The following PPP4R3A variants were observed in gnomAD, a reference collection of about 807,000 sequenced individuals.
The protein encoded by PPP4R3A is serine/threonine-protein phosphatase 4 regulatory subunit 3A.
PPP4R3A carries 15 observed loss-of-function variants against 91.7 expected under a neutral mutation model. The ratio of observed to expected loss-of-function variants is 0.16; its 90% confidence interval spans 0.11 to 0.25. The LOEUF is 0.25. PPP4R3A is among the 10% of genes least tolerant of loss of function. The pLI, the probability that PPP4R3A is intolerant of heterozygous loss-of-function variation, is 1.00. For synonymous variants in PPP4R3A, 377 were observed against 348.7 expected, an observed-to-expected ratio of 1.08 and a Z score of -0.91; for missense variants, 623 against 998.4, an observed-to-expected ratio of 0.62 and a Z score of 5.07.
chr14:91,473,418 G>A (rs769636524), intron 7 of PPP4R3A, 48 bp from the exon 8 acceptor site: 27 of 1,564,234 alleles, frequency 1.7e-5, no homozygotes, highest in South Asian at 3.6e-5. Context: ...ATGAGAGAAC[G>A]GAAAAAGCAA....
At chr14:91,488,981 C>G (rs112244012) in intron 2 of PPP4R3A, among the ~76,000 whole-genome samples, 13 of 148,438 alleles carry the variant, frequency 8.8e-5, no homozygotes, top group Admixed American at 3.4e-4. Context: ...AATCTCGGCT[C>G]ACTGCAAGCT....
intron 4 of PPP4R3A, among the ~76,000 whole-genome samples, chr14:91,479,140 G>A (rs576886172): frequency 5.3e-5 from 8 of 151,828 alleles, no homozygotes; most frequent in African/African-American, 1.7e-4. Flanking sequence ...CCACCATCAC[G>A]CCTGGCTAAT....
chr14:91,482,173 G>A lies in PPP4R3A; in HGVS notation c.318C>T (p.Ser106=), dbSNP rs138032388. Residue 106 remains serine (S), a synonymous_variant, in exon 4 of 15, where the codon TCC becomes TCT. Transcript: ENST00000554943. ...KICQVQGKDP[S]VDITQDLVDE... ...CCACAAGGTCCTGAGTGATGTCCAC[G>A]GAAGGGTCCTTTCCTTGAACCTATG... is the stretch of plus-strand genomic sequence containing the variant. 12 of 1,605,154 alleles carry A rather than the reference G, an allele frequency of 7.5e-6. No individual in the cohort carries two copies. Among genetic ancestry groups the A allele is most frequent in the South Asian group, 2.2e-5 (2 of 89,370 alleles).
At chr14:91,466,027 G>A (rs1266248985) in intron 10 of PPP4R3A, among the ~76,000 whole-genome samples, 4 of 152,088 alleles carry the variant, frequency 2.6e-5, no homozygotes, top group African/African-American at 9.7e-5. Flanking sequence ...TTATTGTAGC[G>A]AGTATGCTTT....
At chr14:91,509,419 G>C in intron 1 of PPP4R3A, 87 bp downstream of exon 1, 1 of 1,516,582 alleles carries the variant, frequency 6.6e-7, no homozygotes, top group African/African-American at 1.4e-5. Context: ...TGTTCTCGTG[G>C]AGCGAGCGCC....
At position 91,509,774 on chromosome 14, in the gene PPP4R3A, TGGGCGCCGCG is replaced by T. The variant is rs1367664946; in HGVS notation, c.-137_-128del. 1 of 1,280,862 alleles carries T rather than the reference TGGGCGCCGCG, an allele frequency of 7.8e-7. No individual in the cohort carries two copies. The highest frequency in any genetic ancestry group is 9.8e-7 in the Non-Finnish European group (1 of 1,018,336). 79.3% of individuals were successfully genotyped at this position (1,280,862 alleles called of 1,614,324 possible). On this transcript the variant is annotated 5_prime_UTR_variant, in exon 1 of 15. It removes the in-frame stop codon of an upstream open reading frame in the 5' UTR. Transcript: ENST00000554943. Reference sequence around the variant, plus strand: ...GGCTCCCCGGCCTCACTGCCGCCGCTGGGCGCCGCGGGGCCGCGCCGCCGCCTGCATGGCC... The same window carrying T: ...GGCTCCCCGGCCTCACTGCCGCCGCTGGGCCGCGCCGCCGCCTGCATGGCC...
intron 4 of PPP4R3A, among the ~76,000 whole-genome samples, chr14:91,479,680 T>C (rs543197378): frequency 6.6e-6 from 1 of 152,276 alleles, no homozygotes; most frequent in Admixed American, 6.5e-5. Flanking sequence ...AGTCTGGGAT[T>C]ACAGGCGTCC....
At chr14:91,489,386 T>C (rs1228024183) in intron 2 of PPP4R3A, among the ~76,000 whole-genome samples, 1 of 152,228 alleles carries the variant, frequency 6.6e-6, no homozygotes, top group African/African-American at 2.4e-5. Context: ...TGCTATAACG[T>C]ATATTCAGAA....
intron 4 of PPP4R3A, among the ~76,000 whole-genome samples, chr14:91,477,791 G>A (rs1595063591): frequency 6.6e-6 from 1 of 152,298 alleles, no homozygotes; most frequent in African/African-American, 2.4e-5. Context: ...TGGGACTACA[G>A]GCACACACCA....
At chr14:91,473,400 C>G (rs891423040) in intron 7 of PPP4R3A, 30 bp from the exon 8 acceptor site, 12 of 1,597,460 alleles carry the variant, frequency 7.5e-6, no homozygotes, top group Non-Finnish European at 9.4e-6. Context: ...TACTCAGGAT[C>G]ACTTATTATG....
intron 1 of PPP4R3A, among the ~76,000 whole-genome samples, chr14:91,495,702 C>T (rs1280644388): frequency 1.3e-5 from 2 of 150,706 alleles, no homozygotes; most frequent in Non-Finnish European, 1.5e-5. Context: ...AAAAAAAAAA[C>T]AAAAAACAGG....
At chr14:91,505,921 A>G (rs1408455686) in intron 1 of PPP4R3A, among the ~76,000 whole-genome samples, 1 of 152,022 alleles carries the variant, frequency 6.6e-6, no homozygotes, top group Admixed American at 6.6e-5. Flanking sequence ...ACATCCATGT[A>G]AAGCTTGTAG....
At chr14:91,487,719 TTTTG>T (rs756388770) in intron 2 of PPP4R3A, among the ~76,000 whole-genome samples, 11 of 112,738 alleles carry the variant, frequency 9.8e-5, no homozygotes, top group African/African-American at 2.7e-4. Context: ...TTCTGTTTTT[TTTTG>T]TTTGTTTGTT....
intron 10 of PPP4R3A, among the ~76,000 whole-genome samples, chr14:91,468,687 AAAGGAAAAAAG>A (rs1268740494): frequency 1.4e-3 from 198 of 145,850 alleles, no homozygotes; most frequent in African/African-American, 4.7e-3. Context: ...AAAAAAAAAA[AAAGGAAAAAAG>A]AAAAAAAAGA....
intron 1 of PPP4R3A, among the ~76,000 whole-genome samples, chr14:91,506,389 G>C (rs914839373): frequency 6.6e-6 from 1 of 152,204 alleles, no homozygotes; most frequent in Admixed American, 6.5e-5. Flanking sequence ...TAAGAATTAC[G>C]TAAGTCAATA....
At chr14:91,490,897 ATAAT>A (rs1392138544) in intron 1 of PPP4R3A, 95 bp from the exon 2 acceptor site, 3 of 527,454 alleles carry the variant, frequency 5.7e-6, no homozygotes, top group Non-Finnish European at 5.9e-6. Context: ...AAAAATAATA[ATAAT>A]TTTTTTTTTT....
Position 91,486,041 on chromosome 14 carries a change from T to C in PPP4R3A, c.199-311A>G, listed in dbSNP as rs151180471. ...CGCTATCCGAGCATACTGACTTACA[T>C]TTTATGCTGTCATTAAAATGTCCAA... On this transcript the variant is annotated intron_variant, in intron 2 of 14. Transcript: ENST00000554943. Among the ~76,000 whole-genome samples, 5 of 152,316 alleles carry C rather than the reference T, an allele frequency of 3.3e-5. No homozygotes were observed. The East Asian group carries it at 9.6e-4, about 29-fold the overall frequency.
chr14:91,465,527 A>T, intron 10 of PPP4R3A, 108 bp from the exon 11 acceptor site: 1 of 929,774 alleles, frequency 1.1e-6, no homozygotes, highest in Non-Finnish European at 1.5e-6. Flanking sequence ...AACACATATC[A>T]ATAATTATTT....
chr14:91,498,917 CAAA>C (rs530802333), intron 1 of PPP4R3A, among the ~76,000 whole-genome samples: 6 of 91,320 alleles, frequency 6.6e-5, no homozygotes, highest in Admixed American at 1.3e-4. Context: ...GACTCCAACT[CAAA>C]AAAAAAAAAA....
Sources: allele counts gnomAD v4.1 joint callset (sites outside exome capture counted in the v4.1 genomes callset), GRCh38; gene constraint gnomAD v4.1.1; transcripts MANE v1.5; gene names NCBI Gene and HGNC (gene_info 2026-07-23, HGNC 2026-07-21).